The following RASA3 variants were observed in gnomAD, a reference collection of about 807,000 sequenced individuals.
The protein encoded by RASA3 is RAS p21 protein activator 3.
RASA3 carries 73 observed loss-of-function variants against 110.0 expected under a neutral mutation model. That is an observed-to-expected ratio of 0.66 (90% CI 0.55 to 0.81). RASA3 has a LOEUF of 0.81. RASA3 is among the 30% of genes least tolerant of loss of function. RASA3 has a pLI of 0.00. For synonymous variants in RASA3, 500 were observed against 451.4 expected, an observed-to-expected ratio of 1.11 and a Z score of -1.37; for missense variants, 976 against 1,113.2, an observed-to-expected ratio of 0.88 and a Z score of 1.75.
At chr13:114,122,122 A>G (rs771555012) in intron 1 of RASA3, among the ~76,000 whole-genome samples, 3 of 152,206 alleles carry the variant, frequency 2.0e-5, no homozygotes, top group African/African-American at 4.8e-5. Context: ...CGTCCCTTCC[A>G]GGCTGCGCAG....
chr13:114,097,389 C>T (rs2079960643), intron 1 of RASA3, among the ~76,000 whole-genome samples: 2 of 152,218 alleles, frequency 1.3e-5, no homozygotes, highest in Admixed American at 6.5e-5. Flanking sequence ...CAGGAGCAAA[C>T]ACCCAAACAC....
Position 114,011,269 on chromosome 13 carries a change from A to G in RASA3, c.1513-21T>C. 5 of 1,593,290 alleles carry G rather than the reference A, an allele frequency of 3.1e-6. No homozygotes were observed. Among genetic ancestry groups the G allele is most frequent in the Non-Finnish European group, 4.3e-6 (5 of 1,163,632 alleles). Reference sequence around the variant, plus strand: ...GGGTCCTGGGGAGGCGGGAGCAAGAAAGGTCTATGTCAGCATCACAGAAAT... The same window carrying G: ...GGGTCCTGGGGAGGCGGGAGCAAGAGAGGTCTATGTCAGCATCACAGAAAT... On this transcript the variant is annotated intron_variant, in intron 15 of 23. Transcript: ENST00000334062. The surrounding 1 kb of genome is among the most constrained non-coding windows in gnomAD (Gnocchi z 4.8).
At chr13:114,023,297 G>A (rs1423996527) in intron 8 of RASA3, among the ~76,000 whole-genome samples, 1 of 151,918 alleles carries the variant, frequency 6.6e-6, no homozygotes. Context: ...TCCCAGGCTT[G>A]GGGGCATCCC....
Position 114,056,218 on chromosome 13 carries a change from G to A in RASA3, c.174-4063C>T, listed in dbSNP as rs142251385. Among the ~76,000 whole-genome samples the A allele has an allele frequency of 7.3e-3, 1,114 of 152,326 alleles. 5 individuals carry two copies. Among genetic ancestry groups the A allele is most frequent in the Non-Finnish European group, 0.012 (838 of 68,030 alleles). ...TGTGTGTCCGATGAATGTCCAGTGC[G>A]TGTCCAATGCGTGTCTGGTGAGTGG... On this transcript the variant is annotated intron_variant, in intron 2 of 23. Transcript: ENST00000334062. The surrounding 1 kb of genome is among the most constrained non-coding windows in gnomAD (Gnocchi z 5.7).
chr13:114,119,122 G>A (rs2080332451), intron 1 of RASA3, among the ~76,000 whole-genome samples: 1 of 149,614 alleles, frequency 6.7e-6, no homozygotes, highest in Non-Finnish European at 1.5e-5. Context: ...ATGGAGGGCA[G>A]AAAGGGCTTC....
intron 2 of RASA3, among the ~76,000 whole-genome samples, chr13:114,060,028 G>A (rs541046527): frequency 3.9e-5 from 6 of 152,374 alleles, no homozygotes; most frequent in Admixed American, 2.0e-4. Context: ...CGCTGTGGAC[G>A]GTGAGGAGAC....
intron 19 of RASA3, 33 bp downstream of exon 19, chr13:114,000,793 G>T (rs560340049): frequency 6.7e-7 from 1 of 1,484,970 alleles, no homozygotes; most frequent in Non-Finnish European, 9.4e-7. Context: ...GCACGCTCCA[G>T]CAAGAGCCAG....
chr13:114,052,571 A>C (rs2079162662), intron 2 of RASA3, among the ~76,000 whole-genome samples: 2 of 152,192 alleles, frequency 1.3e-5, no homozygotes, highest in African/African-American at 4.8e-5. Flanking sequence ...AGTGCCTTGG[A>C]CCGCTCCTTT....
At chr13:114,073,071 C>T (rs373303235) in intron 2 of RASA3, among the ~76,000 whole-genome samples, 19 of 149,290 alleles carry the variant, frequency 1.3e-4, no homozygotes, top group East Asian at 1.0e-3. Context: ...ATTCTCTACA[C>T]GCGGGAAAAT....
intron 2 of RASA3, among the ~76,000 whole-genome samples, chr13:114,069,531 A>G (rs1199342414): frequency 3.0e-5 from 1 of 33,030 alleles, no homozygotes; most frequent in Non-Finnish European, 5.3e-5. Context: ...CACAGGGGCC[A>G]GGAGACTCAG....
In RASA3 at chr13:114,096,105, G is replaced by T. The variant is rs2079939868; in HGVS notation, c.56-22268C>A. 6.6e-6 allele frequency among the ~76,000 whole-genome samples: 1 copy of T among 152,192 alleles called. No homozygotes were observed. The highest frequency in any genetic ancestry group is 6.5e-5 in the Admixed American group (1 of 15,286). ...TCTCCAGGTGGCCCTGGCGGCATCG[G>T]TGTGCTGGGAAGGGGGTGCTCTCTG... On this transcript the variant is annotated intron_variant, in intron 1 of 23. Coordinates refer to ENST00000334062, the MANE Select transcript of RASA3 (RefSeq NM_007368.4). The surrounding 1 kb of genome is among the most constrained non-coding windows in gnomAD (Gnocchi z 5.1).
At chr13:114,013,760 ATC>A (rs2053708892) in intron 14 of RASA3, among the ~76,000 whole-genome samples, 2 of 25,418 alleles carry the variant, frequency 7.9e-5, no homozygotes, top group Non-Finnish European at 1.6e-4. Context: ...CTCTCTCTCC[ATC>A]TCTCTGTCTC....
chr13:114,090,131 C>T (rs796999286), intron 1 of RASA3, among the ~76,000 whole-genome samples: 22 of 152,326 alleles, frequency 1.4e-4, no homozygotes, highest in African/African-American at 4.6e-4. Context: ...CATGTGAACA[C>T]GGACAGCTTT....
At chr13:114,117,221 TGAG>T (rs1271068400) in intron 1 of RASA3, among the ~76,000 whole-genome samples, 1 of 81,510 alleles carries the variant, frequency 1.2e-5, no homozygotes, top group Admixed American at 1.4e-4. Context: ...TGCACGTGTG[TGAG>T]GGGTGCATGT....
intron 1 of RASA3, among the ~76,000 whole-genome samples, chr13:114,118,678 C>T (rs1453956329): frequency 2.0e-5 from 3 of 152,256 alleles, no homozygotes; most frequent in Non-Finnish European, 2.9e-5. Context: ...TCTGGACTAG[C>T]GTCTAAGCAA....
intron 7 of RASA3, among the ~76,000 whole-genome samples, chr13:114,025,767 C>T (rs2054014206): frequency 1.3e-5 from 2 of 152,348 alleles, no homozygotes; most frequent in South Asian, 2.1e-4. Flanking sequence ...ATGGTACAGA[C>T]GCTGCTTCCC....
intron 1 of RASA3, among the ~76,000 whole-genome samples, chr13:114,117,096 TGTGTGTGAGGAGAGCAC>T: frequency 1.0e-5 from 1 of 96,822 alleles, no homozygotes; most frequent in Admixed American, 1.3e-4. Flanking sequence ...GAGGGATGCA[TGTGTGTGAGGAGAGCAC>T]GTGTGTGAGG....
At chr13:113,989,786 A>G (rs535315840) in intron 22 of RASA3, among the ~76,000 whole-genome samples, 3 of 152,336 alleles carry the variant, frequency 2.0e-5, no homozygotes, top group East Asian at 3.9e-4. Context: ...TGTCCAGCAC[A>G]CCCATCCAGG....
At chr13:114,062,237 AC>A (rs1352111184) in intron 2 of RASA3, among the ~76,000 whole-genome samples, 2 of 152,116 alleles carry the variant, frequency 1.3e-5, no homozygotes, top group Admixed American at 1.3e-4. Context: ...TTTAAAAAAA[AC>A]ACATGCATAG....
Sources: gnomAD v4.1 joint callset for allele counts (sites outside exome capture counted in the v4.1 genomes callset) on GRCh38, gnomAD v4.1.1 for gene constraint, Gnocchi (gnomAD v3.1) non-coding constraint, MANE v1.5 for transcripts, NCBI Gene and HGNC (gene_info 2026-07-23, HGNC 2026-07-21) for gene names.